Variants in DCAF6 observed in about 807,000 individuals in gnomAD.
The protein encoded by DCAF6 is DDB1 and CUL4 associated factor 6.
A neutral mutation model predicts 125.1 loss-of-function variants in DCAF6; 54 were observed. The observed-to-expected ratio is 0.43, with a 90% confidence interval of 0.35 to 0.54. The LOEUF is 0.54. DCAF6 is among the 20% of genes least tolerant of loss of function. The pLI is 0.01. For synonymous variants in DCAF6, 371 were observed against 390.4 expected, an observed-to-expected ratio of 0.95 and a Z score of 0.58; for missense variants, 934 against 1,161.7, an observed-to-expected ratio of 0.80 and a Z score of 2.85.
At chr1:167,995,635 C>T (rs1470454289) in intron 7 of DCAF6, among the ~76,000 whole-genome samples, 1 of 150,256 alleles carries the variant, frequency 6.7e-6, no homozygotes, top group East Asian at 1.9e-4. Context: ...GCCGAGATCA[C>T]GCCATTGCAC....
intron 7 of DCAF6, among the ~76,000 whole-genome samples, chr1:167,996,152 A>T (rs1681659556): frequency 6.6e-6 from 1 of 151,670 alleles, no homozygotes; most frequent in South Asian, 2.1e-4. Context: ...AGGCCTTTCT[A>T]TTTCCTTACC....
At chr1:167,997,826 G>A (rs1171306080) in intron 7 of DCAF6, among the ~76,000 whole-genome samples, 1 of 152,002 alleles carries the variant, frequency 6.6e-6, no homozygotes, top group Admixed American at 6.6e-5. Context: ...AATAGGTAAA[G>A]GATTTGAATA....
chr1:167,943,257 A>C (rs771571439), intron 1 of DCAF6, among the ~76,000 whole-genome samples: 7 of 152,144 alleles, frequency 4.6e-5, no homozygotes, highest in Non-Finnish European at 7.4e-5. Context: ...GGCTATTCTG[A>C]ACCCTTTCTA....
chr1:167,934,755 T>C (rs186681905), upstream of DCAF6, among the ~76,000 whole-genome samples: 3 of 152,318 alleles, frequency 2.0e-5, no homozygotes, highest in African/African-American at 7.2e-5. Flanking sequence ...GGGTAGCACT[T>C]CAGTCTTTCA....
At chr1:167,880,016 G>A in the DCAF6 span, 1 of 989,558 alleles carries the variant, frequency 1.0e-6, no homozygotes, top group Non-Finnish European at 1.6e-6. Flanking sequence ...TGAGGGCAGG[G>A]CTCATGTCTC....
chr1:168,063,813 G>A (rs1691928115), intron 18 of DCAF6, 54 bp downstream of exon 18: 2 of 1,540,560 alleles, frequency 1.3e-6, no homozygotes, highest in Admixed American at 2.1e-5. Context: ...TGCTCTGAGT[G>A]TTTTTCCATA....
chr1:168,015,546 T>G (rs1300928424), intron 10 of DCAF6, among the ~76,000 whole-genome samples: 4 of 152,172 alleles, frequency 2.6e-5, no homozygotes, highest in Non-Finnish European at 5.9e-5. Flanking sequence ...TACTTAAATA[T>G]TCCTAGAGAA....
At chr1:167,978,560 CTTATT>C (rs893832612) in intron 4 of DCAF6, among the ~76,000 whole-genome samples, 8 of 151,852 alleles carry the variant, frequency 5.3e-5, no homozygotes, top group South Asian at 2.1e-4. Flanking sequence ...GGTTGTTTGT[CTTATT>C]TTATTTTGTT....
At chr1:168,016,011 T>A in intron 11 of DCAF6, 60 bp downstream of exon 11, 1 of 1,294,324 alleles carries the variant, frequency 7.7e-7, no homozygotes, top group Admixed American at 3.7e-5. Context: ...ACTGCTACTG[T>A]GTAATAAGGT....
Position 167,974,998 on chromosome 1 carries a change from T to A in DCAF6, c.421T>A (p.Tyr141Asn). The stretch of plus-strand genomic sequence containing the variant: ...CAGACAATGCCAATTTACGTGTCAT[T>A]ATGGAACTACTTATGAGGTATGGTA... The part of the protein sequence containing the change: ...TNRQCQFTCH[Y>N]GTTYEIMTVP... Residue 141 changes from tyrosine (Y) to asparagine (N), a missense_variant, in exon 4 of 22, where the codon TAT becomes AAT. By Grantham distance (143) the Tyr-to-Asn change is moderately radical (BLOSUM62 -2). This residue lies in a region of DCAF6 where 309 missense variants were observed against 381.2 expected (regional missense o/e 0.81). Transcript: ENST00000367840. 6.3e-7 allele frequency: 1 copy of A among 1,597,358 alleles called. No homozygotes were observed. Among genetic ancestry groups the A allele is most frequent in the Non-Finnish European group, 8.5e-7 (1 of 1,173,276 alleles).
At chr1:167,999,454 T>C (rs561919821) in intron 7 of DCAF6, among the ~76,000 whole-genome samples, 14 of 152,318 alleles carry the variant, frequency 9.2e-5, no homozygotes, top group Non-Finnish European at 1.9e-4. Flanking sequence ...TTCTCCTCTC[T>C]AGCTGTGAAA....
the DCAF6 span, among the ~76,000 whole-genome samples, chr1:167,922,460 C>T: frequency 2.6e-5 from 4 of 151,986 alleles, no homozygotes; most frequent in Non-Finnish European, 5.9e-5. Context: ...TGATTGAATA[C>T]TTCAGCAATC....
At chr1:168,062,378 A>G (rs1558046924) in intron 17 of DCAF6, among the ~76,000 whole-genome samples, 2 of 152,086 alleles carry the variant, frequency 1.3e-5, no homozygotes, top group South Asian at 2.1e-4. Context: ...AGGATTTTCA[A>G]CTTTCCCGTA....
chr1:167,923,041 T>C, the DCAF6 span, among the ~76,000 whole-genome samples: 1 of 152,070 alleles, frequency 6.6e-6, no homozygotes, highest in East Asian at 1.9e-4. Flanking sequence ...AAAACAAAAA[T>C]GCTCCCCCAT....
chr1:167,996,729 A>T (rs1409032368), intron 7 of DCAF6, among the ~76,000 whole-genome samples: 3 of 152,186 alleles, frequency 2.0e-5, no homozygotes, highest in Non-Finnish European at 2.9e-5. Context: ...ACTGTGCTCT[A>T]ACCACATCTA....
chr1:168,059,672 G>T (rs1228861450), intron 17 of DCAF6, among the ~76,000 whole-genome samples: 2 of 151,942 alleles, frequency 1.3e-5, no homozygotes, highest in East Asian at 3.9e-4. Flanking sequence ...TTGAGACAGG[G>T]TCTTGCTGTG....
chr1:168,044,879 T>C, intron 15 of DCAF6, 21 bp from the exon 16 acceptor site: 1 of 1,609,184 alleles, frequency 6.2e-7, no homozygotes. Context: ...ACCTGTTACA[T>C]ACAACTTTAT....
intron 3 of DCAF6, 141 bp from the exon 4 acceptor site, chr1:167,974,689 A>G (rs745476337): frequency 5.3e-6 from 3 of 569,858 alleles, no homozygotes; most frequent in Non-Finnish European, 2.7e-6. Flanking sequence ...TTTTTAAATT[A>G]TAATAGCTTG....
Position 168,004,674 on chromosome 1 carries a change from A to C in DCAF6, c.1259A>C (p.Gln420Pro). The C allele has an allele frequency of 6.2e-7, 1 of 1,614,040 alleles. No individual in the cohort carries two copies. The highest frequency in any genetic ancestry group is 8.5e-7 in the Non-Finnish European group (1 of 1,179,942). The change falls in exon 10 of 22, where the codon CAG (glutamine) becomes CCG (proline). Residue 420 changes from glutamine (Q) to proline (P), a missense_variant. Transcript: ENST00000367840. ...TCTACATCCTCTACAATGTCAGCTCAGGCTCATTCGACATCATCTCCCACA... is the reference window on the plus strand; with the variant it reads ...TCTACATCCTCTACAATGTCAGCTCCGGCTCATTCGACATCATCTCCCACA... Reference protein sequence around the residue: ...QPSTSSTMSAQAHSTSSPTES... With the variant: ...QPSTSSTMSAPAHSTSSPTES...
Sources: gnomAD v4.1 joint callset for allele counts (sites outside exome capture counted in the v4.1 genomes callset) on GRCh38, gnomAD v4.1.1 for gene constraint, gnomAD v4.1.1 regional missense constraint, MANE v1.5 for transcripts, NCBI Gene and HGNC (gene_info 2026-07-23, HGNC 2026-07-21) for gene names.